Variants in MGA observed in about 807,000 individuals in gnomAD.
MGA encodes MAX dimerization protein MGA, also known as MAX gene-associated protein.
Under a neutral mutation model 261.1 loss-of-function variants are expected in MGA, and 40 were observed. The ratio of observed to expected loss-of-function variants is 0.15; its 90% CI spans 0.12 to 0.20. The LOEUF (loss-of-function observed/expected upper bound fraction) is 0.20, where lower values mean the gene tolerates loss of function less well. Among genes scored for constraint, MGA ranks in the 10% least tolerant of loss-of-function variants. The pLI is 1.00. For synonymous variants in MGA, 1,302 were observed against 1,290.6 expected (o/e 1.01, Z -0.19); for missense variants, 3,397 against 3,630.5 (o/e 0.94, Z 1.65).
At chr15:41,739,128 T>C (rs776969791) in intron 13 of MGA, among the ~76,000 whole-genome samples, 24 of 148,076 alleles carry the variant, frequency 1.6e-4, no homozygotes, top group Non-Finnish European at 3.0e-4. Context: ...TTTCTTTCTT[T>C]AAAAAAAAAA....
chr15:41,675,380 C>CT (rs1432385015), intron 2 of MGA, among the ~76,000 whole-genome samples: 5 of 148,912 alleles, frequency 3.4e-5, no homozygotes, highest in East Asian at 2.0e-4. Flanking sequence ...TTTCCCCTTT[C>CT]TTTTTTTTTG....
At chr15:41,673,953 G>A (rs2058231566) in intron 2 of MGA, among the ~76,000 whole-genome samples, 1 of 151,654 alleles carries the variant, frequency 6.6e-6, no homozygotes, top group African/African-American at 2.4e-5. Flanking sequence ...GCGCAGTGGC[G>A]CGATCTCGAC....
Position 41,722,122 on chromosome 15 carries a change from A to AT in MGA, c.3431-5033dup, listed in dbSNP as rs35690314. Among the ~76,000 whole-genome samples the AT allele has an allele frequency of 2.9e-3, 251 of 87,668 alleles. 2 individuals are homozygous for AT. The highest frequency in any genetic ancestry group is 6.0e-3 in the Middle Eastern group (1 of 166). The allele number at this position is 87,668 out of a possible 152,430, so 57.5% of individuals were successfully genotyped here. On this transcript the variant is annotated intron_variant, in intron 9 of 23. Transcript: ENST00000219905. Reference sequence around the variant, plus strand: ...TAATATAAACTTTTAAAGTAGGCCAATTTTTTTTTTTTTTTTTTTTTTTTT... The same window carrying AT: ...TAATATAAACTTTTAAAGTAGGCCAATTTTTTTTTTTTTTTTTTTTTTTTTT...
Position 41,726,658 on chromosome 15 carries a change from G to T in MGA, c.3431-522G>T, listed in dbSNP as rs534121117. The stretch of plus-strand genomic sequence containing the variant: ...GCATGAGAATCTCCTGAACATGGGA[G>T]GCAGAGGTTGCCATGAGCCAAGATT... On this transcript the variant is annotated intron_variant, in intron 9 of 23. Coordinates refer to ENST00000219905, the MANE Select transcript of MGA (RefSeq NM_001164273.2). 2.6e-5 allele frequency among the ~76,000 whole-genome samples: 4 copies of T among 152,008 alleles called. No homozygotes were observed. The South Asian group carries it at 6.2e-4, about 24-fold the overall frequency.
At chr15:41,702,547 C>A (rs1168358888) in intron 5 of MGA, among the ~76,000 whole-genome samples, 1 of 152,096 alleles carries the variant, frequency 6.6e-6, no homozygotes, top group East Asian at 1.9e-4. Context: ...TAGAAAATAG[C>A]AGTTAAACTT....
chr15:41,713,023 A>G, intron 8 of MGA, 128 bp from the exon 9 acceptor site: 1 of 1,344,028 alleles, frequency 7.4e-7, no homozygotes, highest in Non-Finnish European at 1.0e-6. Flanking sequence ...CTGTCCTTTG[A>G]ATCTGCATTA....
rs2152052294 is a variant in MGA at position 41,767,598 on chromosome 15, T to C, written c.*318T>C. On this transcript the variant is annotated 3_prime_UTR_variant, in exon 24 of 24. Transcript: ENST00000219905. ...TAACATGACTCTGGCTCCACAGTGGTTTCTAGTTCTTCCCCCACAAGCGAA... is the reference window on the plus strand; with the variant it reads ...TAACATGACTCTGGCTCCACAGTGGCTTCTAGTTCTTCCCCCACAAGCGAA... 1 of 312,728 alleles carries C rather than the reference T, an allele frequency of 3.2e-6. No individual in the cohort carries two copies. Among genetic ancestry groups the C allele is most frequent in the East Asian group, 5.7e-5 (1 of 17,568 alleles). The allele number at this position is 312,728 out of a possible 1,614,324, so 19.4% of individuals were successfully genotyped here.
chr15:41,713,483 G>A lies in MGA; in HGVS notation c.3417G>A (p.Lys1139=), dbSNP rs2060479352. Residue 1139 remains lysine (K), a synonymous_variant, in exon 9 of 24, where the codon AAG becomes AAA. Transcript: ENST00000219905. The stretch of plus-strand genomic sequence containing the variant: ...AATTGAAAGAGAAAAAGAAGAGAAA[G>A]AAGCTAGAATACAGTGAGTATTAAT... 4.5e-6 allele frequency: 7 copies of A among 1,546,088 alleles called. No homozygotes were observed. The highest frequency in any genetic ancestry group is 6.1e-6 in the Non-Finnish European group (7 of 1,146,404).
intron 11 of MGA, among the ~76,000 whole-genome samples, chr15:41,731,658 T>C (rs1418061823): frequency 1.3e-5 from 2 of 152,224 alleles, no homozygotes; most frequent in East Asian, 1.9e-4. Flanking sequence ...GGACAAACTT[T>C]TATGAATAAA....
At chr15:41,698,625 G>A (rs1193885700) in intron 3 of MGA, among the ~76,000 whole-genome samples, 3 of 151,982 alleles carry the variant, frequency 2.0e-5, no homozygotes, top group East Asian at 3.9e-4. Flanking sequence ...GTATGACATC[G>A]TATTCACATT....
In MGA at chr15:41,627,996, A is replaced by G. The variant is rs149244635; in HGVS notation, c.-68+6698A>G. Reference sequence around the variant, plus strand: ...TAATTAATGAGCCCTACTGCGTGCCAGGTGCTAAGGATTGAGCATTGAACA... The same window carrying G: ...TAATTAATGAGCCCTACTGCGTGCCGGGTGCTAAGGATTGAGCATTGAACA... On this transcript the variant is annotated intron_variant, in intron 1 of 8. Transcript: ENST00000566718. 4.9e-3 allele frequency among the ~76,000 whole-genome samples: 745 copies of G among 152,354 alleles called. 7 individuals are homozygous for G. Among genetic ancestry groups the G allele is most frequent in the Admixed American group, 0.012 (189 of 15,306 alleles).
intron 1 of MGA, among the ~76,000 whole-genome samples, chr15:41,631,567 A>G (rs1233319966): frequency 6.6e-6 from 1 of 152,182 alleles, no homozygotes; most frequent in East Asian, 1.9e-4. Context: ...AATGTCATTT[A>G]TCCTTTACAA....
At chr15:41,720,992 A>G (rs2060910973) in intron 9 of MGA, among the ~76,000 whole-genome samples, 1 of 152,206 alleles carries the variant, frequency 6.6e-6, no homozygotes, top group Non-Finnish European at 1.5e-5. Flanking sequence ...CGTTTCTCAC[A>G]CCATATATGG....
At chr15:41,633,738 A>G (rs2056642220) in intron 1 of MGA, among the ~76,000 whole-genome samples, 1 of 152,122 alleles carries the variant, frequency 6.6e-6, no homozygotes, top group African/African-American at 2.4e-5. Flanking sequence ...TATATTCTTA[A>G]TATGGCAGCA....
chr15:41,722,064 A>G (rs1033773856), intron 9 of MGA, among the ~76,000 whole-genome samples: 4 of 152,104 alleles, frequency 2.6e-5, no homozygotes, highest in Non-Finnish European at 4.4e-5. Flanking sequence ...AAGGGGAAAA[A>G]CGCCAGGTAA....
chr15:41,736,369 G>A lies in MGA; in HGVS notation c.4105G>A (p.Val1369Met). The change falls in exon 13 of 24, where the codon GTG becomes ATG. Residue 1369 changes from valine to methionine, a missense_variant. Transcript: ENST00000219905. Reference sequence around the variant, plus strand: ...TAGCAACATGCCACAATCACTTAAGGTGGGCAGCTTCATCATTGAGTTGGC... The same window carrying A: ...TAGCAACATGCCACAATCACTTAAGATGGGCAGCTTCATCATTGAGTTGGC... 1.9e-6 allele frequency: 3 copies of A among 1,613,976 alleles called. No homozygotes were observed. Among genetic ancestry groups the A allele is most frequent in the Non-Finnish European group, 2.5e-6 (3 of 1,179,884 alleles).
At chr15:41,747,304 C>T (rs1182079052) in intron 15 of MGA, among the ~76,000 whole-genome samples, 1 of 151,988 alleles carries the variant, frequency 6.6e-6, no homozygotes, top group Non-Finnish European at 1.5e-5. Context: ...AACCAAAAGC[C>T]CTTTATAAAC....
intron 1 of MGA, among the ~76,000 whole-genome samples, chr15:41,665,469 C>G (rs942509878): frequency 6.6e-6 from 1 of 151,954 alleles, no homozygotes; most frequent in Admixed American, 6.6e-5. Flanking sequence ...TCACTGCAGC[C>G]TTGGCCTCCC....
At chr15:41,751,296 CAGG>C (rs1294294432) in intron 17 of MGA, 1 of 151,898 alleles carries the variant, frequency 6.6e-6, no homozygotes, top group African/African-American at 2.4e-5. Context: ...TGATACAGTG[CAGG>C]AGTTGTACAA....
Sources: allele counts gnomAD v4.1 joint callset (sites outside exome capture counted in the v4.1 genomes callset), GRCh38; gene constraint gnomAD v4.1.1; transcripts MANE v1.5; gene names NCBI Gene and HGNC (gene_info 2026-07-23, HGNC 2026-07-21).